Variants in DYNC1H1 observed in about 807,000 individuals in gnomAD.
DYNC1H1 encodes dynein cytoplasmic 1 heavy chain 1, also known as cytoplasmic dynein 1 heavy chain 1.
In DYNC1H1, 51 loss-of-function variants were observed where a neutral mutation model predicts 527.1. The ratio of observed to expected loss-of-function variants is 0.10; its 90% confidence interval spans 0.08 to 0.12. DYNC1H1 has a LOEUF of 0.12. Ranked by LOEUF, DYNC1H1 falls within the 10% of genes least tolerant of loss-of-function variation. The pLI, the probability that DYNC1H1 is intolerant of heterozygous loss-of-function variation, is 1.00. For missense variants in DYNC1H1, 2,771 were observed against 5,971.8 expected, an observed-to-expected ratio of 0.46 and a Z score of 17.66; for synonymous variants, 2,189 against 2,278.8, an observed-to-expected ratio of 0.96 and a Z score of 1.12.
rs1203190858 is a variant in DYNC1H1, at chr14:102,002,993, G to T, written c.4883+28G>T. The T allele has an allele frequency of 3.1e-6, 5 of 1,613,220 alleles. No homozygotes were observed. The highest frequency in any genetic ancestry group is 1.3e-5 in the African/African-American group (1 of 74,906). ...AAGATCCTTGCTTTGACTTGGCCTG[G>T]AGTCAAGTTGAATTTCAGTTGTGCA... On this transcript the variant is annotated intron_variant, in intron 23 of 77. Transcript: ENST00000360184. The surrounding 1 kb of genome is among the most constrained non-coding windows in gnomAD (Gnocchi z 4.4).
In DYNC1H1 at chr14:102,020,130, C is replaced by G. The variant is rs969258432; in HGVS notation, c.8507+74C>G. On this transcript the variant is annotated intron_variant, in intron 42 of 77. Coordinates refer to ENST00000360184, the MANE Select transcript of DYNC1H1 (RefSeq NM_001376.5). This position sits in a 1 kb window ranked among gnomAD's most constrained non-coding sequence, Gnocchi z 4.3. ...TTCTTACAGCTGTCGAAGCTGGGGT[C>G]TTTGCAGGGGTGGTCTGCCTAAGTT... 7 of 1,574,610 alleles carry G rather than the reference C, an allele frequency of 4.4e-6. No homozygotes were observed. The highest frequency in any genetic ancestry group is 6.0e-6 in the Non-Finnish European group (7 of 1,158,530).
intron 13 of DYNC1H1, 59 bp downstream of exon 13, chr14:101,994,908 T>C: frequency 6.2e-7 from 1 of 1,613,816 alleles, no homozygotes; most frequent in Non-Finnish European, 8.5e-7. Flanking sequence ...ACATTTCTGT[T>C]AGACTGATAT....
At position 102,001,690 on chromosome 14, in the gene DYNC1H1, G is replaced by A; in HGVS notation, c.4542+9G>A. Reference sequence around the variant, plus strand: ...TCTCTCCGTATTACAAGGTGCTGTTGCTGGGGAAGCTTTCCCTCCCCACCA... The same window carrying A: ...TCTCTCCGTATTACAAGGTGCTGTTACTGGGGAAGCTTTCCCTCCCCACCA... On this transcript the variant is annotated intron_variant, in intron 21 of 77. Transcript: ENST00000360184. This position sits in a 1 kb window ranked among gnomAD's most constrained non-coding sequence, Gnocchi z 5.0. 6.2e-7 allele frequency: 1 copy of A among 1,613,798 alleles called. No homozygotes were observed. The highest frequency in any genetic ancestry group is 8.5e-7 in the Non-Finnish European group (1 of 1,180,034).
intron 43 of DYNC1H1, chr14:102,023,680 C>G (rs559885950): frequency 6.5e-6 from 1 of 153,428 alleles, no homozygotes; most frequent in African/African-American, 2.4e-5. Flanking sequence ...GAAACTCCAT[C>G]TCTACTAAAA....
At chr14:101,967,656 A>G (rs577041097) in intron 1 of DYNC1H1, among the ~76,000 whole-genome samples, 46 of 152,154 alleles carry the variant, frequency 3.0e-4, no homozygotes, top group Non-Finnish European at 6.0e-4. Context: ...CCTGGGCAAC[A>G]TAGCAAGACC....
At position 102,027,469 on chromosome 14, in the gene DYNC1H1, A is replaced by G; in HGVS notation, c.8973A>G (p.Ala2991=). The G allele has an allele frequency of 6.2e-7, 1 of 1,614,120 alleles. No homozygotes were observed. The highest frequency in any genetic ancestry group is 8.5e-7 in the Non-Finnish European group (1 of 1,180,030). ...CTGGCTGTAAAAATGAAAAGATAGCATTTATAATGGATGAATCTAATGTGT... is the reference window on the plus strand; with the variant it reads ...CTGGCTGTAAAAATGAAAAGATAGCGTTTATAATGGATGAATCTAATGTGT... The part of the protein sequence containing the change: ...RRSGCKNEKI[A]FIMDESNVLD... The change falls in exon 46 of 78, where the codon GCA becomes GCG. Residue 2991 remains alanine, a synonymous_variant. Transcript: ENST00000360184. The surrounding 1 kb of genome is among the most constrained non-coding windows in gnomAD (Gnocchi z 7.7).
rs1446735458 is a variant in DYNC1H1 at position 101,991,637 on chromosome 14, A to G, written c.2979A>G (p.Val993=). ...YQEMFAWKMV[V]LSLPRIQSQR... ...AAATGTTTGCCTGGAAGATGGTTGTACTGTCTCTCCCCAGGATCCAGAGTC... is the reference window on the plus strand; with the variant it reads ...AAATGTTTGCCTGGAAGATGGTTGTGCTGTCTCTCCCCAGGATCCAGAGTC... Residue 993 remains valine, a synonymous_variant, in exon 11 of 78, where the codon GTA becomes GTG. Coordinates refer to ENST00000360184, the MANE Select transcript of DYNC1H1 (RefSeq NM_001376.5). 6.2e-7 allele frequency: 1 copy of G among 1,614,092 alleles called. No individual in the cohort carries two copies. The highest frequency in any genetic ancestry group is 1.3e-5 in the African/African-American group (1 of 74,916).
intron 8 of DYNC1H1, 121 bp from the exon 9 acceptor site, chr14:101,987,332 C>T (rs2047948350): frequency 1.2e-5 from 14 of 1,151,154 alleles, no homozygotes; most frequent in South Asian, 4.0e-5. Flanking sequence ...GGATTAGCTA[C>T]TTATGGAAGA....
intron 2 of DYNC1H1, among the ~76,000 whole-genome samples, chr14:101,978,447 A>G (rs1238301836): frequency 2.0e-5 from 3 of 152,204 alleles, no homozygotes; most frequent in Non-Finnish European, 4.4e-5. Flanking sequence ...TACTGGGATT[A>G]CAGGCGTGAA....
Position 101,976,354 on chromosome 14 carries a change from C to T in DYNC1H1, c.344+555C>T, listed in dbSNP as rs1195418418. The stretch of plus-strand genomic sequence containing the variant: ...AGTTGGGAGTTTGAGACCACCCTGA[C>T]CAACATGGAGAAACCCTGTCTCTAC... On this transcript the variant is annotated intron_variant, in intron 2 of 77. Coordinates refer to ENST00000360184, the MANE Select transcript of DYNC1H1 (RefSeq NM_001376.5). Among the ~76,000 whole-genome samples, 3 of 151,098 alleles carry T rather than the reference C, an allele frequency of 2.0e-5. No homozygotes were observed. In the East Asian group the frequency reaches 5.9e-4, roughly 30 times the overall value.
At chr14:102,014,270 G>A (rs113668510) in intron 34 of DYNC1H1, among the ~76,000 whole-genome samples, 8,105 of 152,152 alleles carry the variant, frequency 0.053, 238 homozygotes, top group Non-Finnish European at 0.056. Flanking sequence ...ATGGTGGTTC[G>A]TGCCTGTCAT....
rs2048849590 is a variant in DYNC1H1, at chr14:102,053,890, CA to C, written c.*3328del. 6.6e-6 allele frequency: 1 copy of C among 152,654 alleles called. No individual in the cohort carries two copies. The highest frequency in any genetic ancestry group is 2.4e-5 in the African/African-American group (1 of 41,366). 9.5% of individuals were successfully genotyped at this position (152,654 alleles called of 1,614,324 possible). Reference sequence around the variant, plus strand: ...GCCTCCCCAGACTACAGGTGCACACCACCACGCCCGGCTAATTTTTGTATTT... The same window carrying C: ...GCCTCCCCAGACTACAGGTGCACACCCCACGCCCGGCTAATTTTTGTATTT... On this transcript the variant is annotated 3_prime_UTR_variant, in exon 78 of 78. Coordinates refer to ENST00000360184, the MANE Select transcript of DYNC1H1 (RefSeq NM_001376.5).
chr14:102,025,975 C>T (rs1186534741), intron 43 of DYNC1H1, among the ~76,000 whole-genome samples: 3 of 152,032 alleles, frequency 2.0e-5, no homozygotes, highest in African/African-American at 7.2e-5. Flanking sequence ...ATTACCTGGG[C>T]ATGGTGGTAC....
chr14:102,025,551 GA>G (rs2048439359), intron 43 of DYNC1H1, among the ~76,000 whole-genome samples: 1 of 130,570 alleles, frequency 7.7e-6, no homozygotes, highest in African/African-American at 2.9e-5. Flanking sequence ...GACAGAGTGA[GA>G]CCCTGTCTCA....
chr14:102,032,221 G>C, intron 51 of DYNC1H1, 51 bp from the exon 52 acceptor site: 2 of 1,609,604 alleles, frequency 1.2e-6, no homozygotes, highest in Non-Finnish European at 1.7e-6. Context: ...ACCATGCTTT[G>C]CTCTATCTTC....
At chr14:102,019,825 T>C (rs2048365126) in intron 41 of DYNC1H1, 68 bp from the exon 42 acceptor site, 2 of 1,599,252 alleles carry the variant, frequency 1.3e-6, no homozygotes, top group East Asian at 2.2e-5. Flanking sequence ...TGCCACATTT[T>C]ACCTTTTGAC....
rs1194676358 is a variant in DYNC1H1, at chr14:102,040,255, G to C, written c.11710G>C (p.Glu3904Gln). 6.2e-7 allele frequency: 1 copy of C among 1,614,146 alleles called. No individual in the cohort carries two copies. The highest frequency in any genetic ancestry group is 8.5e-7 in the Non-Finnish European group (1 of 1,180,032). Residue 3904 changes from glutamate to glutamine, a missense_variant, in exon 63 of 78, where the codon GAA becomes CAA. Coordinates refer to ENST00000360184, the MANE Select transcript of DYNC1H1 (RefSeq NM_001376.5). ...TCGCAGGGAGCCCACCTACGATGCAGAATTCCAGCACTTCTTGAGAGGAAA... is the reference window on the plus strand; with the variant it reads ...TCGCAGGGAGCCCACCTACGATGCACAATTCCAGCACTTCTTGAGAGGAAA... ...GTVGEPTYDA[E>Q]FQHFLRGNEI...
chr14:101,984,395 GTA>G lies in DYNC1H1; in HGVS notation c.1461+792_1461+793del, dbSNP rs199505034. ...TGTGTGTGTGTGTATATATATATGC[GTA>G]TATATGTGTGTGTGTGTGTGTGTGT... On this transcript the variant is annotated intron_variant, in intron 7 of 77. Coordinates refer to ENST00000360184, the MANE Select transcript of DYNC1H1 (RefSeq NM_001376.5). Among the ~76,000 whole-genome samples, 240 of 114,428 alleles carry G rather than the reference GTA, an allele frequency of 2.1e-3. 2 individuals carry two copies. The highest frequency in any genetic ancestry group is 7.6e-3 in the African/African-American group (193 of 25,542). 75.1% of individuals were successfully genotyped at this position (114,428 alleles called of 152,430 possible).
chr14:102,043,522 C>T (rs1017101220), intron 69 of DYNC1H1: 8 of 365,198 alleles, frequency 2.2e-5, no homozygotes, highest in Admixed American at 3.9e-5. Flanking sequence ...CCCTCCCAGG[C>T]GCCAAGTGAA....
Sources: gnomAD v4.1 joint callset for allele counts (sites outside exome capture counted in the v4.1 genomes callset) on GRCh38, gnomAD v4.1.1 for gene constraint, Gnocchi (gnomAD v3.1) non-coding constraint, MANE v1.5 for transcripts, NCBI Gene and HGNC (gene_info 2026-07-23, HGNC 2026-07-21) for gene names.